KNL1: variants seen among roughly 807,000 people sequenced by gnomAD.
The protein encoded by KNL1 is kinetochore scaffold 1.
A neutral mutation model predicts 201.3 loss-of-function variants in KNL1; 66 were observed. The observed-to-expected ratio is 0.33, with a 90% CI of 0.27 to 0.40. The LOEUF is 0.40. KNL1 is among the 10% of genes least tolerant of loss of function. The pLI, the probability that KNL1 is intolerant of heterozygous loss-of-function variation, is 1.00. For synonymous variants in KNL1, 895 were observed against 899.2 expected (o/e 1.00, Z 0.08); for missense variants, 2,815 against 2,690.5 (o/e 1.05, Z -1.02).
In KNL1 at chr15:40,629,164, T is replaced by C. The variant is rs142819172; in HGVS notation, c.5584-109T>C. ...ATAGCCTGCAGATATCTGGATAATA[T>C]TTCCATAAATGTATACAAGATACCT... On this transcript the variant is annotated intron_variant, in intron 12 of 25. Coordinates refer to ENST00000399668, the MANE Select transcript of KNL1 (RefSeq NM_144508.5). 9.1e-5 allele frequency: 52 copies of C among 572,830 alleles called. 1 individual carries two copies. In the East Asian group the frequency reaches 1.6e-3, roughly 18 times the overall value. The allele number at this position is 572,830 out of a possible 1,614,324, so 35.5% of individuals were successfully genotyped here. A position where few individuals can be genotyped will look rare whatever the true frequency, so the allele number is the denominator to read the frequency against.
rs560569043 is a variant in KNL1 at position 40,633,882 on chromosome 15, G to C, written c.5682+4511G>C. On this transcript the variant is annotated intron_variant, in intron 13 of 25. Transcript: ENST00000399668. ...ATATTCCAACTTATAAATAAAACAA[G>C]TTAACTGTAAAACAGCCTCAGGCAA... Among the ~76,000 whole-genome samples the C allele has an allele frequency of 1.3e-5, 2 of 152,118 alleles. 1 individual carries two copies. Among genetic ancestry groups the C allele is most frequent in the African/African-American group, 4.8e-5 (2 of 41,422 alleles).
At chr15:40,635,325 T>C (rs1469216031) in intron 13 of KNL1, among the ~76,000 whole-genome samples, 2 of 152,038 alleles carry the variant, frequency 1.3e-5, no homozygotes, top group Non-Finnish European at 2.9e-5. Flanking sequence ...GTGCTGGGAT[T>C]ACAGGCTTGA....
At chr15:40,602,129 A>G in intron 1 of KNL1, among the ~76,000 whole-genome samples, 1 of 150,110 alleles carries the variant, frequency 6.7e-6, no homozygotes, top group Non-Finnish European at 1.5e-5. Flanking sequence ...TCCCGGGTTC[A>G]CGCCATTCTG....
chr15:40,659,849 G>A (rs145504489), intron 25 of KNL1, among the ~76,000 whole-genome samples: 33 of 151,540 alleles, frequency 2.2e-4, no homozygotes, highest in African/African-American at 7.0e-4. Context: ...GTGGACCATA[G>A]TGAGAGCTAA....
At chr15:40,594,739 G>C (rs911983101) in intron 1 of KNL1, among the ~76,000 whole-genome samples, 8 of 152,170 alleles carry the variant, frequency 5.3e-5, no homozygotes, top group African/African-American at 1.9e-4. Flanking sequence ...TTGCACCCCT[G>C]CCGCTCTTCC....
intron 5 of KNL1, 136 bp downstream of exon 5, chr15:40,609,044 T>A: frequency 3.4e-6 from 2 of 596,374 alleles, no homozygotes; most frequent in Non-Finnish European, 5.8e-6. Flanking sequence ...TTCAGTATTA[T>A]GTTTAAAAGA....
In KNL1 at chr15:40,663,755, G is replaced by A. The variant is rs1285149704; in HGVS notation, c.*1567G>A. 1.6e-5 allele frequency: 3 copies of A among 192,124 alleles called. No individual in the cohort carries two copies. Among genetic ancestry groups the A allele is most frequent in the Non-Finnish European group, 3.3e-5 (3 of 91,970 alleles). The allele number at this position is 192,124 out of a possible 1,614,324, so 11.9% of individuals were successfully genotyped here. On this transcript the variant is annotated 3_prime_UTR_variant, in exon 26 of 26. Transcript: ENST00000399668. ...CTCAAACTTCATTCAAATCCTAATTGTGATAATTTTTGTTTTATATTTAAT... is the reference window on the plus strand; with the variant it reads ...CTCAAACTTCATTCAAATCCTAATTATGATAATTTTTGTTTTATATTTAAT...
chr15:40,646,439 AT>A (rs1255429237), intron 16 of KNL1, among the ~76,000 whole-genome samples: 1 of 151,880 alleles, frequency 6.6e-6, no homozygotes, highest in Non-Finnish European at 1.5e-5. Context: ...TTAATAAAAT[AT>A]TTTATTAAAT....
chr15:40,610,141 A>G (rs1892105722), intron 5 of KNL1, 104 bp from the exon 6 acceptor site: 1 of 640,256 alleles, frequency 1.6e-6, no homozygotes. Flanking sequence ...GGAAGCTAAA[A>G]TCAAAGTATT....
At chr15:40,659,626 G>A (rs1394263380) in intron 25 of KNL1, among the ~76,000 whole-genome samples, 165 bp downstream of exon 25, 1 of 151,730 alleles carries the variant, frequency 6.6e-6, no homozygotes, top group Non-Finnish European at 1.5e-5. Context: ...CTGAGTAGCT[G>A]GGACTACAGG....
At chr15:40,643,610 A>C (rs938511396) in intron 14 of KNL1, among the ~76,000 whole-genome samples, 1 of 152,192 alleles carries the variant, frequency 6.6e-6, no homozygotes, top group Non-Finnish European at 1.5e-5. Flanking sequence ...GCGCCACTGC[A>C]CTCCAGCCTG....
intron 6 of KNL1, among the ~76,000 whole-genome samples, chr15:40,611,172 G>A (rs1204684159): frequency 2.0e-5 from 3 of 150,572 alleles, no homozygotes; most frequent in Admixed American, 1.3e-4. Flanking sequence ...GCAGTGGTGC[G>A]ATCTCGGCTA....
At position 40,623,809 on chromosome 15, in the gene KNL1, T is replaced by C. The variant is rs369835959; in HGVS notation, c.3545T>C (p.Ile1182Thr). The change falls in exon 10 of 26, where the codon ATA (isoleucine) becomes ACA (threonine). Residue 1182 changes from isoleucine to threonine, a missense_variant. Physicochemically the swap from Ile to Thr is moderately conservative, Grantham distance 89 (BLOSUM62 -1). Coordinates refer to ENST00000399668, the MANE Select transcript of KNL1 (RefSeq NM_144508.5). ...VFIDCQATEKILEENPKFGIG... is the reference protein window; with the variant it reads ...VFIDCQATEKTLEENPKFGIG... ...ATTGACTGTCAAGCCACAGAGAAAA[T>C]ACTTGAAGAAAACCCTAAATTTGGA... The C allele has an allele frequency of 4.1e-5, 66 of 1,613,334 alleles. No homozygotes were observed. The highest frequency in any genetic ancestry group is 5.0e-5 in the Non-Finnish European group (59 of 1,179,786).
intron 13 of KNL1, among the ~76,000 whole-genome samples, chr15:40,630,364 T>G (rs1373292806): frequency 6.6e-6 from 1 of 152,220 alleles, no homozygotes. Flanking sequence ...CTACATCATC[T>G]AATCTTGATC....
chr15:40,657,258 T>G (rs1411798617), intron 23 of KNL1, 97 bp from the exon 24 acceptor site: 1 of 1,006,018 alleles, frequency 9.9e-7, no homozygotes, highest in Admixed American at 1.9e-5. Context: ...GATAAATGTA[T>G]TCAATTGTTT....
Position 40,645,087 on chromosome 15 carries a change from G to T in KNL1, c.5889G>T (p.Glu1963Asp). 1 of 1,592,706 alleles carries T rather than the reference G, an allele frequency of 6.3e-7. No homozygotes were observed. Among genetic ancestry groups the T allele is most frequent in the South Asian group, 1.1e-5 (1 of 90,236 alleles). Residue 1963 changes from glutamate to aspartate, a missense_variant and splice_region_variant, in exon 15 of 26, where the codon GAG becomes GAT. Glu to Asp is a conservative substitution (Grantham distance 45, BLOSUM62 2). Transcript: ENST00000399668. ...AAATGAGACACTGCTCTGACAAAGA[G>T]GTACTTTTGTCTCATTTTCTGAATG... ...WEKMRHCSDK[E>D]LKAFGIYLNK...
rs770521021 is a variant in KNL1 at position 40,608,926 on chromosome 15, A to G, written c.197+18A>G. On this transcript the variant is annotated intron_variant, in intron 5 of 25. Coordinates refer to ENST00000399668, the MANE Select transcript of KNL1 (RefSeq NM_144508.5). ...ACTATAAAGTAAGTTGAAAGCAGAA[A>G]TAACTAAAATATTATAGGTACTGGT... 2 of 1,555,862 alleles carry G rather than the reference A, an allele frequency of 1.3e-6. No individual in the cohort carries two copies. The highest frequency in any genetic ancestry group is 8.8e-7 in the Non-Finnish European group (1 of 1,131,160).
intron 4 of KNL1, among the ~76,000 whole-genome samples, chr15:40,606,878 G>A (rs1421265097): frequency 6.6e-6 from 1 of 152,116 alleles, no homozygotes; most frequent in African/African-American, 2.4e-5. Flanking sequence ...TCCCACCTTA[G>A]CCTCCTGAGT....
chr15:40,647,308 C>G (rs1330846224), intron 17 of KNL1, among the ~76,000 whole-genome samples: 1 of 151,918 alleles, frequency 6.6e-6, no homozygotes, highest in Non-Finnish European at 1.5e-5. Flanking sequence ...AACCCCATCT[C>G]TACTAAAAAT....
Sources: allele counts gnomAD v4.1 joint callset (sites outside exome capture counted in the v4.1 genomes callset), GRCh38; gene constraint gnomAD v4.1.1; transcripts MANE v1.5; gene names NCBI Gene and HGNC (gene_info 2026-07-23, HGNC 2026-07-21).